Variants in DISP1 observed in about 807,000 individuals in gnomAD.
The protein encoded by DISP1 is protein dispatched homolog 1.
A neutral mutation model predicts 37.3 loss-of-function variants in DISP1; 30 were observed. The observed-to-expected ratio is 0.80, with a 90% CI of 0.60 to 1.09. The LOEUF is 1.09. DISP1 is among the 50% of genes least tolerant of loss of function. The pLI, the probability that DISP1 is intolerant of heterozygous loss-of-function variation, is 0.00. For missense variants in DISP1, 1,598 were observed against 1,879.5 expected (o/e 0.85, Z 2.77); for synonymous variants, 634 against 690.2 (o/e 0.92, Z 1.28).
rs148771808 is a variant in DISP1 at position 222,845,301 on chromosome 1, T to C, written c.-159+30223T>C. On this transcript the variant is annotated intron_variant, in intron 1 of 8. Transcript: ENST00000675850. ...AATCGATTCTTCATCCGTTCATTTGTCATCCTAAAGTGAAAAAAAGAAGTG... is the reference window on the plus strand; with the variant it reads ...AATCGATTCTTCATCCGTTCATTTGCCATCCTAAAGTGAAAAAAAGAAGTG... 7.2e-4 allele frequency among the ~76,000 whole-genome samples: 109 copies of C among 152,336 alleles called. 1 individual carries two copies. Among genetic ancestry groups the C allele is most frequent in the African/African-American group, 2.5e-3 (104 of 41,590 alleles).
At chr1:222,851,936 G>T (rs968719087) in intron 1 of DISP1, among the ~76,000 whole-genome samples, 2 of 152,116 alleles carry the variant, frequency 1.3e-5, no homozygotes, top group Admixed American at 1.3e-4. Context: ...TGTAATCCCA[G>T]TACTTTGGGA....
chr1:222,850,223 C>A (rs372964559), intron 1 of DISP1, among the ~76,000 whole-genome samples: 1 of 152,126 alleles, frequency 6.6e-6, no homozygotes, highest in South Asian at 2.1e-4. Context: ...TTTCCTTGTG[C>A]ATTTTCCCTC....
intron 1 of DISP1, among the ~76,000 whole-genome samples, chr1:222,841,323 T>G (rs1023050420): frequency 2.6e-5 from 4 of 152,178 alleles, no homozygotes; most frequent in African/African-American, 4.8e-5. Context: ...TATGCATTGT[T>G]TACTGTGTGC....
chr1:222,938,805 G>T lies in DISP1; in HGVS notation c.-17-4002G>T, dbSNP rs190883642. 8.0e-5 allele frequency among the ~76,000 whole-genome samples: 12 copies of T among 150,766 alleles called. No individual in the cohort carries two copies. The East Asian group carries it at 2.3e-3, about 29-fold the overall frequency. Reference sequence around the variant, plus strand: ...GAAGGACGGGATGAAGAGGGGGAAGGGATGATCTTTCTCTGTATGGGCCTT... The same window carrying T: ...GAAGGACGGGATGAAGAGGGGGAAGTGATGATCTTTCTCTGTATGGGCCTT... On this transcript the variant is annotated intron_variant, in intron 2 of 8. Transcript: ENST00000675850.
intron 1 of DISP1, among the ~76,000 whole-genome samples, chr1:222,894,187 C>G (rs1484949479): frequency 6.6e-6 from 1 of 152,186 alleles, no homozygotes; most frequent in Non-Finnish European, 1.5e-5. Flanking sequence ...CAGACTTCAC[C>G]TAGAACTGAC....
chr1:222,850,375 CAT>C (rs1242757925), intron 1 of DISP1, among the ~76,000 whole-genome samples: 5 of 151,912 alleles, frequency 3.3e-5, no homozygotes, highest in Non-Finnish European at 7.4e-5. Flanking sequence ...CACTTTACCC[CAT>C]GTTTTTATTA....
At chr1:222,928,388 A>C (rs1322861956) in intron 1 of DISP1, 42 bp from the exon 2 acceptor site, 1 of 152,174 alleles carries the variant, frequency 6.6e-6, no homozygotes, top group African/African-American at 2.4e-5. Context: ...CCAGCCCCTA[A>C]CATGCCTAAT....
chr1:222,993,130 T>G (rs1224009847), intron 7 of DISP1, among the ~76,000 whole-genome samples: 1 of 152,036 alleles, frequency 6.6e-6, no homozygotes, highest in Non-Finnish European at 1.5e-5. Flanking sequence ...CTTCCCAAAG[T>G]GCTGGGATTA....
chr1:222,823,889 G>C (rs2125166391), intron 1 of DISP1: 1 of 142,094 alleles, frequency 7.0e-6, no homozygotes, highest in South Asian at 2.4e-4. Flanking sequence ...TATAGGAGTT[G>C]AGAAGAGGAG....
chr1:222,839,287 T>G (rs775800508), intron 1 of DISP1, among the ~76,000 whole-genome samples: 2 of 152,184 alleles, frequency 1.3e-5, no homozygotes, highest in Admixed American at 6.5e-5. Flanking sequence ...GTTGCATGCT[T>G]CTTATGAGAA....
chr1:222,873,182 C>G (rs1230851383), intron 1 of DISP1, among the ~76,000 whole-genome samples: 1 of 152,050 alleles, frequency 6.6e-6, no homozygotes, highest in East Asian at 1.9e-4. Context: ...CTGAGGAGTG[C>G]TTTACTTCCA....
At chr1:222,854,659 A>T (rs149067708) in intron 1 of DISP1, among the ~76,000 whole-genome samples, 2 of 152,066 alleles carry the variant, frequency 1.3e-5, no homozygotes, top group African/African-American at 2.4e-5. Context: ...TATGTTAAAG[A>T]TGGTGAACTG....
At chr1:222,886,816 G>A (rs977377672) in intron 1 of DISP1, among the ~76,000 whole-genome samples, 6 of 152,194 alleles carry the variant, frequency 3.9e-5, no homozygotes, top group African/African-American at 1.4e-4. Flanking sequence ...AGCTGTAAGT[G>A]ATTTGAAACA....
chr1:222,887,660 G>A lies in DISP1; in HGVS notation c.-158-40770G>A, dbSNP rs898193401. ...ACTACAGGCGCCCGCCACCGCGCCC[G>A]GCTAATTTTTTGTATTTTTAGTAGA... is the stretch of plus-strand genomic sequence containing the variant. On this transcript the variant is annotated intron_variant, in intron 1 of 8. Transcript: ENST00000675850. Among the ~76,000 whole-genome samples, 24 of 138,114 alleles carry A rather than the reference G, an allele frequency of 1.7e-4. 4 individuals are homozygous for A. Among genetic ancestry groups the A allele is most frequent in the African/African-American group, 2.7e-4 (10 of 37,544 alleles). The allele number at this position is 138,114 out of a possible 152,430, so 90.6% of individuals were successfully genotyped here.
chr1:222,993,599 C>T (rs1270567294), intron 7 of DISP1, among the ~76,000 whole-genome samples: 1 of 152,100 alleles, frequency 6.6e-6, no homozygotes, highest in East Asian at 1.9e-4. Context: ...TTATACTGAT[C>T]CCAGGAAGCA....
chr1:223,002,590 G>C lies in DISP1; in HGVS notation c.1193G>C (p.Cys398Ser). The C allele has an allele frequency of 6.2e-7, 1 of 1,614,204 alleles. No homozygotes were observed. The highest frequency in any genetic ancestry group is 2.2e-5 in the East Asian group (1 of 44,884). ...HYQNGTLGPD[C>S]WDMAARRKDQ... ...CAAAATGGCACTCTGGGGCCAGACT[G>C]CTGGGACATGGCAGCCAGAAGAAAG... The change falls in exon 9 of 9, where the codon TGC becomes TCC. Residue 398 changes from cysteine to serine, a missense_variant. Transcript: ENST00000675850.
At chr1:222,903,449 T>TAA (rs199857131) in intron 1 of DISP1, among the ~76,000 whole-genome samples, 6 of 147,576 alleles carry the variant, frequency 4.1e-5, no homozygotes, top group South Asian at 2.2e-4. Flanking sequence ...AAAGTATAAT[T>TAA]AAAAAAAAAA....
chr1:222,853,891 G>A (rs530181284), intron 1 of DISP1, among the ~76,000 whole-genome samples: 2 of 152,310 alleles, frequency 1.3e-5, no homozygotes, highest in Non-Finnish European at 2.9e-5. Flanking sequence ...GAAGAAGGAT[G>A]TTGAGCATTC....
intron 2 of DISP1, among the ~76,000 whole-genome samples, chr1:222,942,596 T>G (rs550666507): frequency 6.6e-6 from 1 of 151,826 alleles, no homozygotes; most frequent in Admixed American, 6.6e-5. Context: ...TAGAAGAGGG[T>G]TTTTAAGGTG....
Sources: gnomAD v4.1 joint callset for allele counts (sites outside exome capture counted in the v4.1 genomes callset) on GRCh38, gnomAD v4.1.1 for gene constraint, MANE v1.5 for transcripts, NCBI Gene and HGNC (gene_info 2026-07-23, HGNC 2026-07-21) for gene names.